The following AKT3 variants were observed in gnomAD, a reference collection of about 807,000 sequenced individuals.
AKT3 encodes the protein RAC-gamma serine/threonine-protein kinase.
A neutral mutation model predicts 65.3 loss-of-function variants in AKT3; 15 were observed. That is an observed-to-expected ratio of 0.23 (90% CI 0.15 to 0.35). The LOEUF is 0.35. Ranked by LOEUF, AKT3 falls within the 10% of genes least tolerant of loss-of-function variation. The probability of loss-of-function intolerance (pLI) is 1.00; values close to 1 mark genes in which losing one functional copy is unlikely to be tolerated. For missense variants in AKT3, 243 were observed against 576.5 expected (o/e 0.42, Z 5.92); for synonymous variants, 206 against 183.8 (o/e 1.12, Z -0.98).
rs528697707 is a variant in AKT3 at position 243,605,631 on chromosome 1, T to C, written c.696+8040A>G. ...AATTCATATAAATTACATGCAACTA[T>C]GATGAAATTCCATTGTACCAATACG... On this transcript the variant is annotated intron_variant, in intron 8 of 13. Transcript: ENST00000673466. Among the ~76,000 whole-genome samples the C allele has an allele frequency of 2.6e-5, 4 of 152,366 alleles. No individual in the cohort carries two copies. The East Asian group carries it at 5.8e-4, about 22-fold the overall frequency.
intron 9 of AKT3, among the ~76,000 whole-genome samples, chr1:243,565,334 C>A (rs1318487644): frequency 6.6e-6 from 1 of 152,194 alleles, no homozygotes; most frequent in Non-Finnish European, 1.5e-5. Flanking sequence ...GCAGCTCAAG[C>A]CACCTCAGCC....
intron 2 of AKT3, among the ~76,000 whole-genome samples, chr1:243,708,324 A>C (rs1039709817): frequency 7.9e-5 from 12 of 152,038 alleles, no homozygotes; most frequent in African/African-American, 1.2e-4. Context: ...CTCCCCAAAG[A>C]AAGCTTATAG....
intron 2 of AKT3, among the ~76,000 whole-genome samples, chr1:243,799,796 C>T (rs898953758): frequency 6.6e-6 from 1 of 152,126 alleles, no homozygotes; most frequent in Non-Finnish European, 1.5e-5. Flanking sequence ...AATTTTTAAA[C>T]AAAGCACACA....
chr1:243,616,883 G>A (rs1678367859), intron 6 of AKT3, among the ~76,000 whole-genome samples: 1 of 152,110 alleles, frequency 6.6e-6, no homozygotes, highest in African/African-American at 2.4e-5. Flanking sequence ...TGTTTTATAG[G>A]AGTCAGTTTT....
intron 2 of AKT3, among the ~76,000 whole-genome samples, chr1:243,782,196 C>T (rs777115414): frequency 9.9e-5 from 15 of 152,044 alleles, no homozygotes; most frequent in Admixed American, 3.9e-4. Flanking sequence ...GGGAGACTTG[C>T]CTAAGAGAGA....
intron 2 of AKT3, among the ~76,000 whole-genome samples, chr1:243,740,153 A>G (rs1688064679): frequency 6.6e-6 from 1 of 152,228 alleles, no homozygotes; most frequent in Non-Finnish European, 1.5e-5. Context: ...CCAAAAAATG[A>G]GAGAAACTAC....
At chr1:243,755,004 A>G (rs924489047) in intron 2 of AKT3, among the ~76,000 whole-genome samples, 1 of 152,210 alleles carries the variant, frequency 6.6e-6, no homozygotes, top group East Asian at 1.9e-4. Context: ...GAGCAGCTTG[A>G]TATGTAGGAA....
chr1:243,743,195 T>A (rs1160870478), intron 2 of AKT3, among the ~76,000 whole-genome samples: 1 of 152,216 alleles, frequency 6.6e-6, no homozygotes, highest in Non-Finnish European at 1.5e-5. Flanking sequence ...CTGTGTTCAA[T>A]GATAAGGTTG....
intron 12 of AKT3, 29 bp downstream of exon 12, chr1:243,545,481 A>G (rs141489693): frequency 6.4e-6 from 9 of 1,411,810 alleles, no homozygotes; most frequent in Non-Finnish European, 9.0e-6. Flanking sequence ...GCCAAAATAT[A>G]TACACACTAT....
rs899921076 is a variant in AKT3 at position 243,502,158 on chromosome 1, C to T, written c.*3091G>A. 15 of 231,518 alleles carry T rather than the reference C, an allele frequency of 6.5e-5. No individual in the cohort carries two copies. The highest frequency in any genetic ancestry group is 1.1e-4 in the Non-Finnish European group (13 of 117,200). 14.3% of individuals were successfully genotyped at this position (231,518 alleles called of 1,614,324 possible). On this transcript the variant is annotated 3_prime_UTR_variant, in exon 14 of 14. Coordinates refer to ENST00000673466, the MANE Select transcript of AKT3 (RefSeq NM_005465.7). ...TTCATGCTTGCCTGTAATGCACTACCAGGAGCAAGATAAGGAAATTCTACT... is the reference window on the plus strand; with the variant it reads ...TTCATGCTTGCCTGTAATGCACTACTAGGAGCAAGATAAGGAAATTCTACT...
chr1:243,669,907 T>C (rs1464518412), intron 3 of AKT3, among the ~76,000 whole-genome samples: 1 of 152,206 alleles, frequency 6.6e-6, no homozygotes, highest in African/African-American at 2.4e-5. Flanking sequence ...ACAACTTCAC[T>C]GTTCTTACTA....
chr1:243,805,444 T>C (rs1319646747), intron 2 of AKT3, among the ~76,000 whole-genome samples: 1 of 152,212 alleles, frequency 6.6e-6, no homozygotes, highest in African/African-American at 2.4e-5. Flanking sequence ...ATATTTCACT[T>C]AACCAAGCTG....
At chr1:243,787,794 C>A (rs1263557230) in intron 2 of AKT3, among the ~76,000 whole-genome samples, 1 of 152,158 alleles carries the variant, frequency 6.6e-6, no homozygotes, top group Non-Finnish European at 1.5e-5. Context: ...TGTCTTCAGA[C>A]TTGCTACCAT....
chr1:243,670,932 CA>C lies in AKT3; in HGVS notation c.173-6050del, dbSNP rs1005131729. On this transcript the variant is annotated intron_variant, in intron 3 of 13. Transcript: ENST00000673466. ...ATGTCAGACCAAGAAATACATACAC[CA>C]AAAAAAAAATTTTTAGAGATCATCT... Among the ~76,000 whole-genome samples, 63 of 149,380 alleles carry C rather than the reference CA, an allele frequency of 4.2e-4. 1 individual carries two copies. The highest frequency in any genetic ancestry group is 1.3e-3 in the African/African-American group (54 of 40,810).
At chr1:243,649,260 T>A (rs1471966220) in intron 4 of AKT3, among the ~76,000 whole-genome samples, 1 of 151,888 alleles carries the variant, frequency 6.6e-6, no homozygotes, top group Admixed American at 6.6e-5. Context: ...ATAACTTTCA[T>A]CTTCCAAAAT....
intron 11 of AKT3, among the ~76,000 whole-genome samples, chr1:243,552,011 C>T (rs780788122): frequency 3.3e-5 from 5 of 151,940 alleles, no homozygotes; most frequent in African/African-American, 1.2e-4. Flanking sequence ...AGTTAGAGGC[C>T]GGGTGCGGTG....
intron 2 of AKT3, among the ~76,000 whole-genome samples, chr1:243,790,672 T>C (rs1343278220): frequency 6.6e-6 from 1 of 152,238 alleles, no homozygotes; most frequent in Non-Finnish European, 1.5e-5. Context: ...TTGCCTGTCT[T>C]GGCTTTCAAC....
At chr1:243,741,579 A>G (rs1055324119) in intron 2 of AKT3, among the ~76,000 whole-genome samples, 2 of 152,210 alleles carry the variant, frequency 1.3e-5, no homozygotes, top group African/African-American at 4.8e-5. Flanking sequence ...AATTAGGTCA[A>G]TGAGAGTGTT....
chr1:243,781,366 C>T (rs1377623768), intron 2 of AKT3, among the ~76,000 whole-genome samples: 1 of 151,978 alleles, frequency 6.6e-6, no homozygotes, highest in African/African-American at 2.4e-5. Flanking sequence ...AATGGGGAAG[C>T]GTTGGTTCAT....
Sources: gnomAD v4.1 joint callset for allele counts (sites outside exome capture counted in the v4.1 genomes callset) on GRCh38, gnomAD v4.1.1 for gene constraint, MANE v1.5 for transcripts, NCBI Gene and HGNC (gene_info 2026-07-23, HGNC 2026-07-21) for gene names.